The following KDM3B variants were observed in gnomAD, a reference collection of about 807,000 sequenced individuals.
The protein encoded by KDM3B is lysine-specific demethylase 3B.
KDM3B carries 10 observed loss-of-function variants against 170.0 expected under a neutral mutation model. The ratio of observed to expected loss-of-function variants is 0.06; its 90% CI spans 0.04 to 0.10. The LOEUF is 0.10. Among genes scored for constraint, KDM3B ranks in the 10% least tolerant of loss-of-function variants. The pLI, the probability that KDM3B is intolerant of heterozygous loss-of-function variation, is 1.00. For synonymous variants in KDM3B, 831 were observed against 834.8 expected, an observed-to-expected ratio of 1.00 and a Z score of 0.08; for missense variants, 1,394 against 2,195.2, an observed-to-expected ratio of 0.64 and a Z score of 7.29.
chr5:138,413,260 G>A (rs2126981473), intron 11 of KDM3B, among the ~76,000 whole-genome samples: 1 of 152,116 alleles, frequency 6.6e-6, no homozygotes, highest in Non-Finnish European at 1.5e-5. Flanking sequence ...GCACGCACTT[G>A]TAGTCTCAGC....
intron 1 of KDM3B, among the ~76,000 whole-genome samples, chr5:138,363,560 T>C (rs1156891870): frequency 6.6e-6 from 1 of 152,216 alleles, no homozygotes. Flanking sequence ...TTTTTTTTCT[T>C]TTTTGAGACG....
At chr5:138,428,195 T>C in intron 20 of KDM3B, 109 bp downstream of exon 20, 2 of 1,172,944 alleles carry the variant, frequency 1.7e-6, no homozygotes, top group Non-Finnish European at 2.4e-6. Flanking sequence ...TTTTTCTTTT[T>C]CTTTTTTCTG....
At chr5:138,430,030 A>G (rs1763491283) in intron 21 of KDM3B, 65 bp downstream of exon 21, 3 of 1,589,446 alleles carry the variant, frequency 1.9e-6, no homozygotes, top group South Asian at 1.1e-5. Context: ...GAGACACCCT[A>G]TCTAGGGTTT....
Position 138,352,707 on chromosome 5 carries a change from G to C in KDM3B, c.-89G>C. On this transcript the variant is annotated 5_prime_UTR_variant, in exon 1 of 24. Coordinates refer to ENST00000314358, the MANE Select transcript of KDM3B (RefSeq NM_016604.4). The stretch of plus-strand genomic sequence containing the variant: ...GGGGAACGGCGGCCGCGGGTGGTGC[G>C]GAGGGAGGCCTTGCGGGCGGATCGG... The C allele has an allele frequency of 9.6e-7, 1 of 1,046,216 alleles. No homozygotes were observed. Among genetic ancestry groups the C allele is most frequent in the East Asian group, 4.2e-5 (1 of 23,962 alleles). The allele number at this position is 1,046,216 out of a possible 1,614,324, so 64.8% of individuals were successfully genotyped here.
chr5:138,419,331 A>G lies in KDM3B; in HGVS notation c.3715+99A>G, dbSNP rs1171124103. ...ACATTACCATCCACATTTATGAAAC[A>G]TGCTACTTACTTTCTCTGGCTAATC... On this transcript the variant is annotated intron_variant, in intron 14 of 23. Coordinates refer to ENST00000314358, the MANE Select transcript of KDM3B (RefSeq NM_016604.4). 12 of 1,346,708 alleles carry G rather than the reference A, an allele frequency of 8.9e-6. No individual in the cohort carries two copies. The Admixed American group carries it at 2.9e-4, about 32-fold the overall frequency. 83.4% of individuals were successfully genotyped at this position (1,346,708 alleles called of 1,614,324 possible). A position where few individuals can be genotyped will look rare whatever the true frequency, so the allele number is the denominator to read the frequency against.
chr5:138,401,153 C>T (rs903695627), intron 11 of KDM3B, among the ~76,000 whole-genome samples: 3 of 151,956 alleles, frequency 2.0e-5, no homozygotes, highest in Non-Finnish European at 2.9e-5. Context: ...TACCTGTAAT[C>T]CCAGCTACTC....
At chr5:138,419,734 C>CACATAT (rs1554131152) in intron 14 of KDM3B, among the ~76,000 whole-genome samples, 1 of 60,376 alleles carries the variant, frequency 1.7e-5, no homozygotes, top group Non-Finnish European at 4.2e-5. Context: ...CACATACACA[C>CACATAT]ACACACACAC....
At chr5:138,363,289 A>G (rs1291792165) in intron 1 of KDM3B, among the ~76,000 whole-genome samples, 1 of 152,136 alleles carries the variant, frequency 6.6e-6, no homozygotes, top group Non-Finnish European at 1.5e-5. Flanking sequence ...TTTATTACGG[A>G]ATTTCTACTC....
rs1277869157 is a variant in KDM3B at position 138,436,193 on chromosome 5, C to T, written c.*493C>T. The T allele has an allele frequency of 6.2e-6, 1 of 160,564 alleles. No homozygotes were observed. The highest frequency in any genetic ancestry group is 2.4e-5 in the African/African-American group (1 of 41,586). The allele number at this position is 160,564 out of a possible 1,614,324, so 9.9% of individuals were successfully genotyped here. A position where few individuals can be genotyped will look rare whatever the true frequency, so the allele number is the denominator to read the frequency against. On this transcript the variant is annotated 3_prime_UTR_variant, in exon 24 of 24. Transcript: ENST00000314358. ...GCCCATCCCAGGAGACGGGGTGAAG[C>T]TATTCCCCACACTCTCCTGTGAACA... is the stretch of plus-strand genomic sequence containing the variant.
rs770495938 is a variant in KDM3B at position 138,352,972 on chromosome 5, G to A, written c.177G>A (p.Val59=). The A allele has an allele frequency of 8.0e-5, 100 of 1,245,758 alleles. No homozygotes were observed. Among genetic ancestry groups the A allele is most frequent in the Non-Finnish European group, 9.9e-5 (99 of 996,512 alleles). 77.2% of individuals were successfully genotyped at this position (1,245,758 alleles called of 1,614,324 possible). A position where few individuals can be genotyped will look rare whatever the true frequency, so the allele number is the denominator to read the frequency against. Reference sequence around the variant, plus strand: ...CGGTGCGGGCCATGAGCGGGGCGGTGCCCCAGGACCTAGCGGTGAGTGGCG... The same window carrying A: ...CGGTGCGGGCCATGAGCGGGGCGGTACCCCAGGACCTAGCGGTGAGTGGCG... ...AGTVRAMSGA[V]PQDLAIFVEF... is the part of the protein sequence containing the mutation. The change falls in exon 1 of 24, where the codon GTG becomes GTA. Residue 59 remains valine (V), a synonymous_variant. Transcript: ENST00000314358.
At chr5:138,408,992 A>G (rs777415087) in intron 11 of KDM3B, among the ~76,000 whole-genome samples, 7 of 152,200 alleles carry the variant, frequency 4.6e-5, no homozygotes, top group Non-Finnish European at 8.8e-5. Context: ...GGAGAGCACA[A>G]TGACCACAAA....
chr5:138,395,132 T>A (rs1762516419), intron 9 of KDM3B, among the ~76,000 whole-genome samples: 1 of 152,194 alleles, frequency 6.6e-6, no homozygotes, highest in Non-Finnish European at 1.5e-5. Context: ...AAATTTGAGA[T>A]GCTTGTTAGA....
At chr5:138,405,981 A>T (rs1762809466) in intron 11 of KDM3B, among the ~76,000 whole-genome samples, 1 of 152,218 alleles carries the variant, frequency 6.6e-6, no homozygotes, top group African/African-American at 2.4e-5. Context: ...GTAAGTCCAA[A>T]ATGGGAAACA....
chr5:138,406,095 C>T (rs1448911339), intron 11 of KDM3B, among the ~76,000 whole-genome samples: 1 of 152,094 alleles, frequency 6.6e-6, no homozygotes, highest in African/African-American at 2.4e-5. Context: ...ACTTGCAATC[C>T]CAACACTTTG....
At position 138,416,339 on chromosome 5, in the gene KDM3B, C is replaced by T. The variant is rs72803879; in HGVS notation, c.3307+1100C>T. On this transcript the variant is annotated intron_variant, in intron 12 of 23. Coordinates refer to ENST00000314358, the MANE Select transcript of KDM3B (RefSeq NM_016604.4). ...GCATGGTGGCTCACACCTGTAATCC[C>T]AGCACTTTGGGAGGTTGAGGCGGGT... is the stretch of plus-strand genomic sequence containing the variant. Among the ~76,000 whole-genome samples, 1,328 of 152,246 alleles carry T rather than the reference C, an allele frequency of 8.7e-3. 27 individuals carry two copies. The highest frequency in any genetic ancestry group is 0.069 in the East Asian group (359 of 5,178).
rs774333438 is a variant in KDM3B at position 138,400,032 on chromosome 5, T to G, written c.3199+20T>G. 2 of 1,612,410 alleles carry G rather than the reference T, an allele frequency of 1.2e-6. No individual in the cohort carries two copies. The highest frequency in any genetic ancestry group is 1.7e-6 in the Non-Finnish European group (2 of 1,178,672). On this transcript the variant is annotated intron_variant, in intron 11 of 23. Coordinates refer to ENST00000314358, the MANE Select transcript of KDM3B (RefSeq NM_016604.4). ...GCAGTGGTAAGTAAACATTGTCCTG[T>G]GTAGCTCGAAAGGTAACGTGGAGGT...
At chr5:138,393,860 ACTTTT>A (rs1198208878) in intron 9 of KDM3B, among the ~76,000 whole-genome samples, 1 of 152,078 alleles carries the variant, frequency 6.6e-6, no homozygotes, top group Non-Finnish European at 1.5e-5. Flanking sequence ...CTCTTTAGTT[ACTTTT>A]CTTCTGCTTG....
At chr5:138,366,744 A>T (rs1348755282) in intron 1 of KDM3B, among the ~76,000 whole-genome samples, 5 of 152,198 alleles carry the variant, frequency 3.3e-5, no homozygotes, top group Non-Finnish European at 2.9e-5. Context: ...GAGGAACTAG[A>T]CTTGTGAGAA....
At chr5:138,424,456 T>C in intron 16 of KDM3B, 115 bp downstream of exon 16, 1 of 1,207,440 alleles carries the variant, frequency 8.3e-7, no homozygotes, top group Non-Finnish European at 1.2e-6. Context: ...GAGGTTATTG[T>C]AATAGCCTTG....
Sources: allele counts gnomAD v4.1 joint callset (sites outside exome capture counted in the v4.1 genomes callset), GRCh38; gene constraint gnomAD v4.1.1; transcripts MANE v1.5; gene names NCBI Gene and HGNC (gene_info 2026-07-23, HGNC 2026-07-21).